Variants in CACNB2 observed in about 807,000 individuals in gnomAD.
CACNB2 encodes calcium voltage-gated channel auxiliary subunit beta 2, also known as voltage-dependent L-type calcium channel subunit beta-2.
In CACNB2, 42 loss-of-function variants were observed where a neutral mutation model predicts 73.3. That is an observed-to-expected ratio of 0.57 (90% CI 0.45 to 0.74). The LOEUF (loss-of-function observed/expected upper bound fraction) is 0.74, where lower values mean the gene tolerates loss of function less well. Among genes scored for constraint, CACNB2 ranks in the 30% least tolerant of loss-of-function variants. CACNB2 has a pLI of 0.00. For missense variants in CACNB2, 940 were observed against 853.0 expected (o/e 1.10, Z -1.27); for synonymous variants, 348 against 310.3 (o/e 1.12, Z -1.28).
chr10:18,446,036 T>A (rs11014256), intron 3 of CACNB2, among the ~76,000 whole-genome samples: 73,477 of 151,822 alleles, frequency 0.48, 18,781 homozygotes, highest in Middle Eastern at 0.58. Context: ...CTCCATCTCA[T>A]AAAAAGAAGT....
chr10:18,315,516 A>AAAC (rs1554791231), intron 2 of CACNB2, among the ~76,000 whole-genome samples: 5 of 131,856 alleles, frequency 3.8e-5, no homozygotes, highest in East Asian at 2.0e-4. Flanking sequence ...AAAAAAAAAA[A>AAAC]AAAAAAAAAA....
At chr10:18,464,086 C>T (rs2047732309) in intron 3 of CACNB2, among the ~76,000 whole-genome samples, 2 of 152,076 alleles carry the variant, frequency 1.3e-5, no homozygotes, top group African/African-American at 4.8e-5. Flanking sequence ...AATCGTTGAA[C>T]CCTACCTCCA....
chr10:18,385,364 A>ACCCC (rs754737184), intron 2 of CACNB2, among the ~76,000 whole-genome samples: 1 of 83,136 alleles, frequency 1.2e-5, no homozygotes, highest in Non-Finnish European at 2.4e-5. Context: ...GATTTGTAAT[A>ACCCC]CCCCCCCCCC....
chr10:18,455,006 C>T (rs1202579486), intron 3 of CACNB2, among the ~76,000 whole-genome samples: 2 of 149,104 alleles, frequency 1.3e-5, no homozygotes, highest in Admixed American at 1.3e-4. Flanking sequence ...TGTGCCACTG[C>T]AGCCTTGGGT....
chr10:18,166,801 G>A (rs2032887536), intron 2 of CACNB2, among the ~76,000 whole-genome samples: 1 of 152,020 alleles, frequency 6.6e-6, no homozygotes, highest in Admixed American at 6.5e-5. Context: ...GCTAAATGAC[G>A]AGTTAATGGG....
At chr10:18,464,603 A>C (rs181686143) in intron 3 of CACNB2, among the ~76,000 whole-genome samples, 13 of 152,074 alleles carry the variant, frequency 8.5e-5, no homozygotes, top group African/African-American at 1.4e-4. Flanking sequence ...CCCCCTTTTC[A>C]ATAATGGCCC....
chr10:18,369,219 C>T (rs921488684), intron 2 of CACNB2, among the ~76,000 whole-genome samples: 4 of 152,132 alleles, frequency 2.6e-5, no homozygotes, highest in Non-Finnish European at 4.4e-5. Context: ...ATTTAAATTA[C>T]AATTAAGCTA....
At chr10:18,214,964 G>A (rs935997842) in intron 2 of CACNB2, among the ~76,000 whole-genome samples, 2 of 152,296 alleles carry the variant, frequency 1.3e-5, no homozygotes, top group Admixed American at 6.5e-5. Context: ...TTATGCTCAC[G>A]ATAAGAGTAA....
intron 2 of CACNB2, among the ~76,000 whole-genome samples, chr10:18,330,956 C>T (rs1284793031): frequency 1.3e-5 from 2 of 151,382 alleles, no homozygotes; most frequent in Admixed American, 1.3e-4. Context: ...TGTGAGCCAC[C>T]GTGCCCGGCC....
intron 1 of CACNB2, among the ~76,000 whole-genome samples, chr10:18,149,783 C>T (rs983563733): frequency 1.3e-5 from 2 of 152,132 alleles, no homozygotes; most frequent in East Asian, 3.8e-4. Context: ...ACGCTTTAGT[C>T]CAGTTTGTTT....
At chr10:18,401,175 TAG>T (rs1564507963) in intron 2 of CACNB2, 2 of 1,556,090 alleles carry the variant, frequency 1.3e-6, no homozygotes, top group Non-Finnish European at 1.8e-6. Flanking sequence ...TGAGTGCAGG[TAG>T]AGAGGGTGGT....
intron 2 of CACNB2, among the ~76,000 whole-genome samples, chr10:18,288,905 C>T (rs944228359): frequency 3.9e-5 from 6 of 152,062 alleles, no homozygotes; most frequent in African/African-American, 1.2e-4. Context: ...ATCAGCCGGG[C>T]ATGGCAGCAC....
chr10:18,196,697 A>G (rs1027949904), intron 2 of CACNB2, among the ~76,000 whole-genome samples: 1 of 152,020 alleles, frequency 6.6e-6, no homozygotes, highest in African/African-American at 2.4e-5. Flanking sequence ...TATTCATTTC[A>G]CTGGTGTCTA....
chr10:18,476,125 C>A (rs2048427712), intron 3 of CACNB2, among the ~76,000 whole-genome samples: 1 of 152,140 alleles, frequency 6.6e-6, no homozygotes, highest in African/African-American at 2.4e-5. Context: ...AAGGTGTGGG[C>A]AGTTCCTGAA....
At chr10:18,426,239 C>T (rs6415973) in intron 3 of CACNB2, among the ~76,000 whole-genome samples, 133,916 of 152,266 alleles carry the variant, frequency 0.88, 59,111 homozygotes, top group East Asian at 0.96. Flanking sequence ...AGTCATCTTA[C>T]CCATAAATAG....
rs2049969382 is a variant in CACNB2 at position 18,498,411 on chromosome 10, A to AGAT, written c.395_397dup (p.Asp132dup). ...ATGTCAGCTACAGTGCGGCCCATGA[A>AGAT]GATGATGTTCCAGTGCCTGGCATGG... On this transcript the variant is annotated inframe_insertion, in exon 4 of 14. Coordinates refer to ENST00000324631, the MANE Select transcript of CACNB2 (RefSeq NM_201596.3). The AGAT allele has an allele frequency of 1.2e-6, 2 of 1,614,192 alleles. No individual in the cohort carries two copies. The highest frequency in any genetic ancestry group is 2.7e-5 in the African/African-American group (2 of 75,070).
intron 6 of CACNB2, chr10:18,513,088 C>T (rs1187472163): frequency 6.8e-6 from 1 of 147,166 alleles, no homozygotes; most frequent in East Asian, 2.1e-4. Context: ...GCCCACCAAA[C>T]AGTGACCATA....
chr10:18,462,317 A>G (rs564304483), intron 3 of CACNB2, among the ~76,000 whole-genome samples: 4 of 152,040 alleles, frequency 2.6e-5, no homozygotes, highest in Admixed American at 2.6e-4. Flanking sequence ...GCAGTGGTAC[A>G]ATCCGCAGCT....
chr10:18,202,086 A>G (rs1381977609), intron 2 of CACNB2, among the ~76,000 whole-genome samples: 3 of 152,154 alleles, frequency 2.0e-5, no homozygotes, highest in Admixed American at 6.5e-5. Flanking sequence ...ACAGTTCCCT[A>G]TTTTGGTGGT....
Sources: allele counts gnomAD v4.1 joint callset (sites outside exome capture counted in the v4.1 genomes callset), GRCh38; gene constraint gnomAD v4.1.1; transcripts MANE v1.5; gene names NCBI Gene and HGNC (gene_info 2026-07-23, HGNC 2026-07-21).